The following PDE7B variants were observed in gnomAD, a reference collection of about 807,000 sequenced individuals.
PDE7B encodes the protein phosphodiesterase 7B, also known as 3',5'-cyclic-AMP phosphodiesterase 7B.
Under a neutral mutation model 56.2 loss-of-function variants are expected in PDE7B, and 29 were observed. That is an observed-to-expected ratio of 0.52 (90% confidence interval 0.38 to 0.70). PDE7B has a LOEUF of 0.70. PDE7B is among the 30% of genes least tolerant of loss of function. The pLI is 0.00. For synonymous variants in PDE7B, 197 were observed against 196.9 expected, an observed-to-expected ratio of 1.00 and a Z score of 0.00; for missense variants, 490 against 565.0, an observed-to-expected ratio of 0.87 and a Z score of 1.35.
At chr6:135,923,753 T>C (rs1304386667) in intron 1 of PDE7B, among the ~76,000 whole-genome samples, 5 of 152,134 alleles carry the variant, frequency 3.3e-5, no homozygotes, top group Non-Finnish European at 7.4e-5. Context: ...TACATGGAAA[T>C]TTTATAAAAT....
intron 2 of PDE7B, among the ~76,000 whole-genome samples, chr6:136,033,084 T>C (rs993313872): frequency 1.3e-5 from 2 of 152,188 alleles, no homozygotes; most frequent in African/African-American, 2.4e-5. Flanking sequence ...CAATCAGAAA[T>C]AAGTCCTGAA....
intron 1 of PDE7B, among the ~76,000 whole-genome samples, chr6:135,937,976 A>T (rs1774449771): frequency 6.6e-6 from 1 of 152,236 alleles, no homozygotes; most frequent in Non-Finnish European, 1.5e-5. Context: ...TTATGGTTTT[A>T]GGGTATATAA....
chr6:136,055,738 C>T (rs1159118278), intron 2 of PDE7B, among the ~76,000 whole-genome samples: 2 of 152,174 alleles, frequency 1.3e-5, no homozygotes, highest in African/African-American at 4.8e-5. Flanking sequence ...GTACCTAGAT[C>T]TGCAGTCCAG....
In PDE7B at chr6:136,181,518, C is replaced by T. The variant is rs1018326744; in HGVS notation, c.1045+195C>T. 7.9e-5 allele frequency among the ~76,000 whole-genome samples: 12 copies of T among 152,162 alleles called. 1 individual carries two copies. The East Asian group carries it at 1.9e-3, about 25-fold the overall frequency. ...AAAAGTTAAAAATAAATAACATTGA[C>T]GTATTGACTTACTACAGAAACAGGT... is the stretch of plus-strand genomic sequence containing the variant. On this transcript the variant is annotated intron_variant, in intron 11 of 12. Coordinates refer to ENST00000308191, the MANE Select transcript of PDE7B (RefSeq NM_018945.4).
intron 3 of PDE7B, among the ~76,000 whole-genome samples, chr6:136,140,528 G>A (rs1778303838): frequency 6.6e-6 from 1 of 152,178 alleles, no homozygotes; most frequent in Admixed American, 6.5e-5. Context: ...GTAGCTTGAT[G>A]GCAATGGCAT....
At chr6:136,100,272 C>T (rs1174386188) in intron 2 of PDE7B, among the ~76,000 whole-genome samples, 1 of 152,126 alleles carries the variant, frequency 6.6e-6, no homozygotes. Context: ...TTGTTGGTTC[C>T]ATATGAAATT....
rs1180272566 is a variant in PDE7B at position 135,968,636 on chromosome 6, A to G, written c.82+21112A>G. On this transcript the variant is annotated intron_variant, in intron 2 of 12. Transcript: ENST00000308191. ...GCGATTATTAAAAAGTCAGGAAACA[A>G]CAGATGCTGGTGAGGCTGTGGAGAA... Among the ~76,000 whole-genome samples, 15 of 152,260 alleles carry G rather than the reference A, an allele frequency of 9.9e-5. No individual in the cohort carries two copies. The East Asian group carries it at 2.9e-3, about 29-fold the overall frequency.
At chr6:136,040,332 C>T (rs900483039) in intron 2 of PDE7B, among the ~76,000 whole-genome samples, 2 of 152,222 alleles carry the variant, frequency 1.3e-5, no homozygotes, top group African/African-American at 4.8e-5. Flanking sequence ...GATGAGGGCT[C>T]ATCCTTACTG....
At chr6:136,026,917 C>A (rs1244374557) in intron 2 of PDE7B, among the ~76,000 whole-genome samples, 3 of 152,192 alleles carry the variant, frequency 2.0e-5, no homozygotes, top group Non-Finnish European at 4.4e-5. Context: ...TGTGTTGATA[C>A]CCTAACTCCC....
At chr6:136,174,092 G>C (rs958603524) in intron 9 of PDE7B, among the ~76,000 whole-genome samples, 19 of 152,158 alleles carry the variant, frequency 1.2e-4, no homozygotes, top group African/African-American at 4.3e-4. Context: ...CTTTGAAAGG[G>C]CCTTGCAGAG....
At chr6:135,970,474 A>G (rs1474447635) in intron 2 of PDE7B, among the ~76,000 whole-genome samples, 1 of 152,142 alleles carries the variant, frequency 6.6e-6, no homozygotes, top group Non-Finnish European at 1.5e-5. Flanking sequence ...TGAAACTTTA[A>G]CATGCATGCA....
chr6:136,066,511 A>C (rs1776938996), intron 2 of PDE7B, among the ~76,000 whole-genome samples: 1 of 152,250 alleles, frequency 6.6e-6, no homozygotes, highest in Admixed American at 6.5e-5. Flanking sequence ...TCTTTGAATA[A>C]GTTAATGAAA....
At chr6:136,113,372 T>C (rs373472476) in intron 3 of PDE7B, among the ~76,000 whole-genome samples, 1 of 152,206 alleles carries the variant, frequency 6.6e-6, no homozygotes, top group Admixed American at 6.5e-5. Flanking sequence ...TCTAGATCAA[T>C]AGAAATACAT....
At chr6:135,979,113 T>C (rs1402390035) in intron 2 of PDE7B, among the ~76,000 whole-genome samples, 1 of 151,954 alleles carries the variant, frequency 6.6e-6, no homozygotes, top group Non-Finnish European at 1.5e-5. Flanking sequence ...TCAAAGGCCT[T>C]TTCTGCATCT....
rs1471996212 is a variant in PDE7B, at chr6:136,103,733, C to A, written c.83-4998C>A. On this transcript the variant is annotated intron_variant, in intron 2 of 12. Transcript: ENST00000308191. ...ATGAATCTCTATCCCATATTCCGTGCAACCTGTTTATACCAAGAACGTCAC... is the reference window on the plus strand; with the variant it reads ...ATGAATCTCTATCCCATATTCCGTGAAACCTGTTTATACCAAGAACGTCAC... Among the ~76,000 whole-genome samples the A allele has an allele frequency of 2.6e-5, 4 of 152,292 alleles. No homozygotes were observed. The East Asian group carries it at 7.7e-4, about 29-fold the overall frequency.
At chr6:136,048,571 T>G (rs116009184) in intron 2 of PDE7B, among the ~76,000 whole-genome samples, 2 of 152,072 alleles carry the variant, frequency 1.3e-5, no homozygotes, top group Non-Finnish European at 2.9e-5. Context: ...AGGATAAGAC[T>G]AGAAAGATAG....
At position 135,852,041 on chromosome 6, in the gene PDE7B, G is replaced by A. The variant is rs148294150; in HGVS notation, c.21+22G>A. 8.3e-4 allele frequency: 1,311 copies of A among 1,572,438 alleles called. 1 individual carries two copies. The highest frequency in any genetic ancestry group is 1.3e-3 in the Admixed American group (77 of 59,952). Reference sequence around the variant, plus strand: ...TGAGGTATGTACAACAAATTTAAGCGGCAAGCTCAGTTTTCTTGAGAGAAT... The same window carrying A: ...TGAGGTATGTACAACAAATTTAAGCAGCAAGCTCAGTTTTCTTGAGAGAAT... On this transcript the variant is annotated intron_variant, in intron 1 of 12. Transcript: ENST00000308191.
intron 1 of PDE7B, among the ~76,000 whole-genome samples, chr6:135,923,683 A>G (rs1774133147): frequency 6.6e-6 from 1 of 152,214 alleles, no homozygotes; most frequent in African/African-American, 2.4e-5. Context: ...GTTTCAAGGT[A>G]TAAAAGTCAT....
At chr6:135,897,805 T>G (rs1043312648) in intron 1 of PDE7B, among the ~76,000 whole-genome samples, 5 of 152,162 alleles carry the variant, frequency 3.3e-5, no homozygotes, top group Non-Finnish European at 5.9e-5. Flanking sequence ...GGTTTAAACA[T>G]GTAAGGGCTC....
Sources: allele counts gnomAD v4.1 joint callset (sites outside exome capture counted in the v4.1 genomes callset), GRCh38; gene constraint gnomAD v4.1.1; transcripts MANE v1.5; gene names NCBI Gene and HGNC (gene_info 2026-07-23, HGNC 2026-07-21).